Variants in PLCE1 observed in about 807,000 individuals in gnomAD.
PLCE1 encodes the protein 1-phosphatidylinositol 4,5-bisphosphate phosphodiesterase epsilon-1.
Under a neutral mutation model 242.8 loss-of-function variants are expected in PLCE1, and 119 were observed. That is an observed-to-expected ratio of 0.49 (90% CI 0.42 to 0.57). The LOEUF is 0.57. PLCE1 is among the 20% of genes least tolerant of loss of function. The pLI is 0.00. For synonymous variants in PLCE1, 945 were observed against 1,017.4 expected (o/e 0.93, Z 1.35); for missense variants, 2,441 against 2,788.8 (o/e 0.88, Z 2.81).
chr10:94,246,705 T>A, intron 8 of PLCE1, 84 bp downstream of exon 8: 1 of 1,280,928 alleles, frequency 7.8e-7, no homozygotes. Flanking sequence ...AGGTTCATGC[T>A]CCCAGCTCTG....
chr10:94,132,363 A>G lies in PLCE1; in HGVS notation c.1396A>G (p.Ile466Val), dbSNP rs1465104605. Residue 466 changes from isoleucine (I) to valine (V), a missense_variant, in exon 3 of 33, where the codon ATC (isoleucine) becomes GTC (valine). Coordinates refer to ENST00000371380, the MANE Select transcript of PLCE1 (RefSeq NM_016341.4). ...TLQRTSISQYITGSLLEATTS... is the reference protein window; with the variant it reads ...TLQRTSISQYVTGSLLEATTS... ...CCAAAGGACTTCAATATCGCAGTAC[A>G]TCACCGGTTCTCTCCTAGAAGCAAC... The G allele has an allele frequency of 1.9e-6, 3 of 1,614,006 alleles. No homozygotes were observed. Among genetic ancestry groups the G allele is most frequent in the African/African-American group, 1.3e-5 (1 of 74,910 alleles).
chr10:94,291,055 T>G (rs2052628973), intron 22 of PLCE1, among the ~76,000 whole-genome samples: 1 of 152,220 alleles, frequency 6.6e-6, no homozygotes, highest in Non-Finnish European at 1.5e-5. Flanking sequence ...ACATCGCTTG[T>G]CTAGTTAGGG....
intron 3 of PLCE1, chr10:94,138,509 A>G: frequency 2.1e-6 from 1 of 468,550 alleles, no homozygotes. Context: ...AGTAATGGAG[A>G]TGTTCCAGCC....
intron 1 of PLCE1, among the ~76,000 whole-genome samples, chr10:94,004,840 T>G (rs1030782631): frequency 6.6e-6 from 1 of 152,230 alleles, no homozygotes; most frequent in African/African-American, 2.4e-5. Flanking sequence ...AGCCAGATGA[T>G]CATGCAGGTG....
At chr10:94,010,309 C>G (rs1564622490) in intron 1 of PLCE1, among the ~76,000 whole-genome samples, 1 of 152,232 alleles carries the variant, frequency 6.6e-6, no homozygotes, top group Non-Finnish European at 1.5e-5. Flanking sequence ...TGTCCAGGGT[C>G]TGGCCTCTGA....
chr10:94,107,364 A>G (rs1484530298), intron 2 of PLCE1, among the ~76,000 whole-genome samples: 1 of 152,126 alleles, frequency 6.6e-6, no homozygotes, highest in Non-Finnish European at 1.5e-5. Flanking sequence ...CTTTACATAC[A>G]TTATTGCATT....
intron 2 of PLCE1, among the ~76,000 whole-genome samples, chr10:94,057,656 C>T (rs995624074): frequency 2.0e-5 from 3 of 152,158 alleles, no homozygotes; most frequent in Admixed American, 2.0e-4. Context: ...GAGAACTTAA[C>T]AAAAACTTAT....
At chr10:94,127,635 C>G (rs1254736498) in intron 2 of PLCE1, among the ~76,000 whole-genome samples, 1 of 152,194 alleles carries the variant, frequency 6.6e-6, no homozygotes, top group African/African-American at 2.4e-5. Context: ...TGCCACAATC[C>G]TCATCATCAC....
intron 4 of PLCE1, among the ~76,000 whole-genome samples, chr10:94,220,376 T>TTATATATATTTATA (rs2049688620): frequency 3.2e-5 from 2 of 61,878 alleles, no homozygotes; most frequent in Non-Finnish European, 5.8e-5. Context: ...ACTAAACATT[T>TTATATATATTTATA]TATATATATA....
rs559496577 is a variant in PLCE1, at chr10:94,071,495, GTTTTT to G, written c.1206+39260_1206+39264del. 4.5e-3 allele frequency among the ~76,000 whole-genome samples: 372 copies of G among 83,304 alleles called. 4 individuals carry two copies. The highest frequency in any genetic ancestry group is 0.019 in the African/African-American group (349 of 18,666). 54.7% of individuals were successfully genotyped at this position (83,304 alleles called of 152,430 possible). ...GTCTGTGTGTGTGTGTTTGGTTTTC[GTTTTT>G]TTTTTTTTTTTTTTTTGAGTCACTC... On this transcript the variant is annotated intron_variant, in intron 2 of 32. Transcript: ENST00000371380.
At chr10:94,289,808 T>C (rs1362226061) in intron 22 of PLCE1, among the ~76,000 whole-genome samples, 1 of 152,184 alleles carries the variant, frequency 6.6e-6, no homozygotes, top group Non-Finnish European at 1.5e-5. Context: ...CCTGGGACAT[T>C]ACTGTACATG....
At position 94,241,274 on chromosome 10, in the gene PLCE1, AT is replaced by A. The variant is rs999862205; in HGVS notation, c.2421-4665del. ...CTTATAATTTTTCTTTCCAGACACT[AT>A]TTTTTTATAATGCTTGTGGTATTTC... On this transcript the variant is annotated intron_variant, in intron 7 of 32. Coordinates refer to ENST00000371380, the MANE Select transcript of PLCE1 (RefSeq NM_016341.4). Among the ~76,000 whole-genome samples the A allele has an allele frequency of 7.2e-4, 109 of 152,232 alleles. 1 individual carries two copies. Among genetic ancestry groups the A allele is most frequent in the Admixed American group, 6.5e-5 (1 of 15,282 alleles).
chr10:94,144,475 A>G (rs2047058190), intron 3 of PLCE1, among the ~76,000 whole-genome samples: 1 of 152,184 alleles, frequency 6.6e-6, no homozygotes, highest in African/African-American at 2.4e-5. Flanking sequence ...ATATCCTTCC[A>G]TTCTTTGATA....
chr10:94,161,190 G>T (rs916403746), intron 3 of PLCE1, among the ~76,000 whole-genome samples: 15 of 152,176 alleles, frequency 9.9e-5, no homozygotes, highest in African/African-American at 2.4e-5. Flanking sequence ...TTCCAATTCT[G>T]TGAAGAAAGT....
intron 4 of PLCE1, among the ~76,000 whole-genome samples, chr10:94,219,054 A>T (rs1430260535): frequency 6.6e-6 from 1 of 150,662 alleles, no homozygotes; most frequent in South Asian, 2.1e-4. Flanking sequence ...TATTATATCA[A>T]TAATACCACT....
chr10:94,221,906 C>A (rs1108446), intron 4 of PLCE1, among the ~76,000 whole-genome samples: 2 of 151,852 alleles, frequency 1.3e-5, no homozygotes, highest in Admixed American at 6.6e-5. Context: ...AGAAACTTTT[C>A]GGCAGAAAGT....
intron 3 of PLCE1, among the ~76,000 whole-genome samples, chr10:94,147,023 C>T (rs766317013): frequency 7.9e-5 from 12 of 152,140 alleles, no homozygotes; most frequent in Non-Finnish European, 1.3e-4. Context: ...TCCAGCCTCA[C>T]GATCTAGTTT....
At chr10:94,130,133 G>C (rs2046553786) in intron 2 of PLCE1, among the ~76,000 whole-genome samples, 1 of 152,192 alleles carries the variant, frequency 6.6e-6, no homozygotes, top group Non-Finnish European at 1.5e-5. Flanking sequence ...GACTTGCATG[G>C]GACTTAGTGT....
At chr10:94,278,558 A>G (rs1163899290) in intron 19 of PLCE1, among the ~76,000 whole-genome samples, 4 of 152,306 alleles carry the variant, frequency 2.6e-5, no homozygotes, top group Non-Finnish European at 4.4e-5. Flanking sequence ...ATTTGTTCCT[A>G]TAACATGTGA....
Sources: allele counts gnomAD v4.1 joint callset (sites outside exome capture counted in the v4.1 genomes callset), GRCh38; gene constraint gnomAD v4.1.1; transcripts MANE v1.5; gene names NCBI Gene and HGNC (gene_info 2026-07-23, HGNC 2026-07-21).